LHPP: variants seen among roughly 807,000 people sequenced by gnomAD.
LHPP encodes the protein phospholysine phosphohistidine inorganic pyrophosphate phosphatase.
In LHPP, 24 loss-of-function variants were observed where a neutral mutation model predicts 30.3. The ratio of observed to expected loss-of-function variants is 0.79; its 90% CI spans 0.57 to 1.11. LHPP has a LOEUF of 1.11. Ranked by LOEUF, LHPP falls within the 50% of genes most tolerant of loss-of-function variation. The pLI is 0.00. For synonymous variants in LHPP, 150 were observed against 157.1 expected (o/e 0.95, Z 0.34); for missense variants, 356 against 367.2 (o/e 0.97, Z 0.25).
intron 6 of LHPP, among the ~76,000 whole-genome samples, chr10:124,529,026 CTTTTTTTT>C (rs4022274): frequency 1.3e-5 from 1 of 78,292 alleles, no homozygotes; most frequent in Non-Finnish European, 2.2e-5. Flanking sequence ...TTGGGGGATT[CTTTTTTTT>C]TTTTTTTTTT....
chr10:124,519,513 T>C (rs559768887), intron 6 of LHPP, among the ~76,000 whole-genome samples: 4 of 152,290 alleles, frequency 2.6e-5, no homozygotes, highest in Admixed American at 6.5e-5. Flanking sequence ...TTAGTGGTGA[T>C]TTCTGAGATT....
intron 5 of LHPP, among the ~76,000 whole-genome samples, chr10:124,506,986 G>C (rs1299701773): frequency 1.8e-4 from 3 of 17,016 alleles, no homozygotes; most frequent in Admixed American, 7.7e-4. Flanking sequence ...GATTTCAGGT[G>C]AGGGGGGTAG....
intron 6 of LHPP, chr10:124,554,118 C>T (rs1948243844): frequency 1.1e-6 from 1 of 936,342 alleles, no homozygotes; most frequent in Non-Finnish European, 1.3e-6. Context: ...ACATTTACAG[C>T]TGGGACGACC....
chr10:124,514,862 C>T (rs893324036), intron 5 of LHPP, among the ~76,000 whole-genome samples: 1 of 151,684 alleles, frequency 6.6e-6, no homozygotes, highest in Non-Finnish European at 1.5e-5. Flanking sequence ...AGTGCAGTGG[C>T]ACAAACACAG....
intron 6 of LHPP, among the ~76,000 whole-genome samples, chr10:124,572,649 A>AGAAAG (rs1554894127): frequency 1.3e-5 from 2 of 149,806 alleles, no homozygotes; most frequent in African/African-American, 2.5e-5. Context: ...AAAGAAAGTA[A>AGAAAG]GAAAGGAAAG....
intron 4 of LHPP, 131 bp from the exon 5 acceptor site, chr10:124,497,905 C>T: frequency 5.5e-6 from 4 of 727,656 alleles, no homozygotes; most frequent in Non-Finnish European, 7.1e-6. Flanking sequence ...GATGAGTTCT[C>T]AGGCCCACAG....
At chr10:124,482,620 C>G (rs371643416) in intron 1 of LHPP, among the ~76,000 whole-genome samples, 102 of 152,130 alleles carry the variant, frequency 6.7e-4, no homozygotes, top group African/African-American at 2.3e-3. Flanking sequence ...ACCCTCCCCC[C>G]AGGTCTGAGT....
intron 6 of LHPP, among the ~76,000 whole-genome samples, chr10:124,572,752 G>A (rs1421825168): frequency 6.6e-6 from 1 of 151,648 alleles, no homozygotes; most frequent in Non-Finnish European, 1.5e-5. Context: ...GGGGAGGTGG[G>A]GAGGGCTCTG....
chr10:124,598,998 CCCATCCATCCAT>C (rs71029203), intron 6 of LHPP, among the ~76,000 whole-genome samples: 1 of 148,618 alleles, frequency 6.7e-6, no homozygotes, highest in South Asian at 2.2e-4. Flanking sequence ...TCCATCTCTG[CCCATCCATCCAT>C]CCATCCATCC....
chr10:124,608,017 T>C (rs1010765840), intron 6 of LHPP, among the ~76,000 whole-genome samples: 2 of 152,062 alleles, frequency 1.3e-5, no homozygotes, highest in African/African-American at 4.8e-5. Context: ...GACCAGGGAA[T>C]AGAAGCGTTG....
At chr10:124,569,043 TG>T (rs1208308658) in intron 6 of LHPP, among the ~76,000 whole-genome samples, 1 of 152,034 alleles carries the variant, frequency 6.6e-6, no homozygotes, top group Non-Finnish European at 1.5e-5. Flanking sequence ...CTGCTGGTAA[TG>T]GGGGTGAGGG....
intron 1 of LHPP, among the ~76,000 whole-genome samples, chr10:124,467,710 T>TTGTTGTTG (rs1952595533): frequency 5.5e-4 from 82 of 148,930 alleles, no homozygotes; most frequent in Non-Finnish European, 7.7e-4. Context: ...GTGTGTGTTT[T>TTGTTGTTG]TTGTTGTTGT....
intron 5 of LHPP, among the ~76,000 whole-genome samples, chr10:124,508,261 G>A (rs966181790): frequency 3.9e-5 from 6 of 152,138 alleles, no homozygotes; most frequent in Non-Finnish European, 7.4e-5. Context: ...CCTCCCAGCC[G>A]TGGGCATTTT....
At chr10:124,493,414 A>T (rs1224033008) in intron 3 of LHPP, among the ~76,000 whole-genome samples, 1 of 152,216 alleles carries the variant, frequency 6.6e-6, no homozygotes, top group Non-Finnish European at 1.5e-5. Context: ...AGCGGTGCCC[A>T]CCAAGGAGGC....
At chr10:124,464,427 G>A (rs1309054300) in intron 1 of LHPP, among the ~76,000 whole-genome samples, 1 of 152,166 alleles carries the variant, frequency 6.6e-6, no homozygotes, top group Non-Finnish European at 1.5e-5. Context: ...AAACGGTCCC[G>A]CATAGTGAAG....
Position 124,592,431 on chromosome 10 carries a change from A to G in LHPP, c.717-20833A>G, listed in dbSNP as rs1465663708. ...CTCAGGTTTGAGCTTTCATGATGAG[A>G]CCCTGAGGTCACTGGCGGGGAAAAT... is the stretch of plus-strand genomic sequence containing the variant. On this transcript the variant is annotated intron_variant, in intron 6 of 6. Coordinates refer to ENST00000368842, the MANE Select transcript of LHPP (RefSeq NM_022126.4). This position sits in a 1 kb window ranked among gnomAD's most constrained non-coding sequence, Gnocchi z 6.2. Among the ~76,000 whole-genome samples, 4 of 152,156 alleles carry G rather than the reference A, an allele frequency of 2.6e-5. No individual in the cohort carries two copies. The highest frequency in any genetic ancestry group is 2.6e-4 in the Admixed American group (4 of 15,280).
At chr10:124,484,939 G>C (rs1047354099) in intron 2 of LHPP, among the ~76,000 whole-genome samples, 2 of 152,156 alleles carry the variant, frequency 1.3e-5, no homozygotes, top group Non-Finnish European at 2.9e-5. Context: ...TATTACTGGT[G>C]CCTCCTGAAT....
At position 124,496,888 on chromosome 10, in the gene LHPP, G is replaced by T; in HGVS notation, c.468-73G>T. On this transcript the variant is annotated intron_variant, in intron 3 of 6. Coordinates refer to ENST00000368842, the MANE Select transcript of LHPP (RefSeq NM_022126.4). The surrounding 1 kb of genome is among the most constrained non-coding windows in gnomAD (Gnocchi z 4.3). The stretch of plus-strand genomic sequence containing the variant: ...GCCAGCGGGACAGGCCCGGTGCTCA[G>T]CTCCCGATACTTAGCATCCTGCGGT... 1 of 1,404,256 alleles carries T rather than the reference G, an allele frequency of 7.1e-7. No homozygotes were observed. The highest frequency in any genetic ancestry group is 2.3e-5 in the East Asian group (1 of 42,908). 87.0% of individuals were successfully genotyped at this position (1,404,256 alleles called of 1,614,324 possible).
In LHPP at chr10:124,488,633, T is replaced by C; in HGVS notation, c.467+58T>C. On this transcript the variant is annotated intron_variant, in intron 3 of 6. Coordinates refer to ENST00000368842, the MANE Select transcript of LHPP (RefSeq NM_022126.4). ...TGCTTTAGATGATGCTGTGCCAGTC[T>C]CCAACTTGCGGAATCAGGCAGAGAA... The C allele has an allele frequency of 2.7e-6, 4 of 1,497,974 alleles. No individual in the cohort carries two copies. The Admixed American group carries it at 6.6e-5, about 25-fold the overall frequency. 92.8% of individuals were successfully genotyped at this position (1,497,974 alleles called of 1,614,324 possible).
Sources: gnomAD v4.1 joint callset for allele counts (sites outside exome capture counted in the v4.1 genomes callset) on GRCh38, gnomAD v4.1.1 for gene constraint, Gnocchi (gnomAD v3.1) non-coding constraint, MANE v1.5 for transcripts, NCBI Gene and HGNC (gene_info 2026-07-23, HGNC 2026-07-21) for gene names.